PIWIL2: variants seen among roughly 807,000 people sequenced by gnomAD.
PIWIL2 encodes piwi-like protein 2.
PIWIL2 carries 81 observed loss-of-function variants against 116.5 expected under a neutral mutation model. The observed-to-expected ratio is 0.70, with a 90% CI of 0.58 to 0.84. The LOEUF is 0.84. Among genes scored for constraint, PIWIL2 ranks in the 40% least tolerant of loss-of-function variants. The pLI is 0.00. For missense variants in PIWIL2, 1,272 were observed against 1,212.3 expected, an observed-to-expected ratio of 1.05 and a Z score of -0.73; for synonymous variants, 489 against 429.5, an observed-to-expected ratio of 1.14 and a Z score of -1.71.
rs146537914 is a variant in PIWIL2 at position 22,353,985 on chromosome 8, A to G, written c.2658-286A>G. Among the ~76,000 whole-genome samples the G allele has an allele frequency of 2.8e-3, 431 of 152,064 alleles. 2 individuals carry two copies. Among genetic ancestry groups the G allele is most frequent in the Middle Eastern group, 0.01 (3 of 292 alleles). ...GAGACAGGGTCTTGCCATGTTGCCC[A>G]GACTGGTCTCGATCTCCTGGGCTCA... On this transcript the variant is annotated intron_variant, in intron 21 of 22. Coordinates refer to ENST00000356766, the MANE Select transcript of PIWIL2 (RefSeq NM_018068.5).
chr8:22,318,874 G>A, intron 20 of PIWIL2, among the ~76,000 whole-genome samples: 1 of 152,204 alleles, frequency 6.6e-6, no homozygotes, highest in East Asian at 1.9e-4. Context: ...CCTTATCGGG[G>A]AAGTTGGGGA....
chr8:22,278,083 A>T (rs1284974446), intron 1 of PIWIL2, among the ~76,000 whole-genome samples: 1 of 151,922 alleles, frequency 6.6e-6, no homozygotes, highest in Non-Finnish European at 1.5e-5. Context: ...CAGGAGAATC[A>T]CTTGAACCCA....
chr8:22,285,132 G>C (rs958390975), intron 6 of PIWIL2, among the ~76,000 whole-genome samples: 1 of 152,156 alleles, frequency 6.6e-6, no homozygotes. Context: ...AATACACGCT[G>C]TTGTTAACTA....
chr8:22,328,818 GTTT>G (rs57027657), intron 20 of PIWIL2, among the ~76,000 whole-genome samples: 18 of 107,176 alleles, frequency 1.7e-4, no homozygotes, highest in African/African-American at 6.2e-4. Flanking sequence ...AGCTCTAGTC[GTTT>G]TTTTTTTTTT....
At chr8:22,328,427 T>G (rs1831777135) in intron 20 of PIWIL2, among the ~76,000 whole-genome samples, 1 of 152,170 alleles carries the variant, frequency 6.6e-6, no homozygotes, top group Non-Finnish European at 1.5e-5. Context: ...CCCCTTGGAA[T>G]TGTATATGAA....
intron 20 of PIWIL2, among the ~76,000 whole-genome samples, chr8:22,335,514 A>G (rs1221154149): frequency 6.6e-6 from 1 of 151,466 alleles, no homozygotes; most frequent in Non-Finnish European, 1.5e-5. Flanking sequence ...AAGAAATGAA[A>G]TAGCTATATT....
intron 20 of PIWIL2, among the ~76,000 whole-genome samples, chr8:22,326,498 C>G (rs1831727791): frequency 6.6e-6 from 1 of 152,190 alleles, no homozygotes; most frequent in Non-Finnish European, 1.5e-5. Flanking sequence ...AATAATCATT[C>G]CTTATTCACA....
At chr8:22,311,846 G>A (rs985810918) in intron 16 of PIWIL2, among the ~76,000 whole-genome samples, 39 of 152,152 alleles carry the variant, frequency 2.6e-4, no homozygotes, top group African/African-American at 8.7e-4. Context: ...AAAAAGCAAG[G>A]GGAAGGCTTT....
chr8:22,305,877 C>T (rs758213882), intron 12 of PIWIL2, 50 bp from the exon 13 acceptor site: 6 of 1,341,456 alleles, frequency 4.5e-6, no homozygotes, highest in Middle Eastern at 1.8e-4. Context: ...TGGTCGGGAA[C>T]ATGAGCCTCT....
Position 22,345,004 on chromosome 8 carries a change from T to G in PIWIL2, c.2404-7955T>G, listed in dbSNP as rs117227816. On this transcript the variant is annotated intron_variant, in intron 20 of 22. Transcript: ENST00000356766. ...ATAATGCAGCTACTTTGGAAAACAG[T>G]TGGGCAGTTCCTTAAAAAGTTAAGC... Among the ~76,000 whole-genome samples, 252 of 152,318 alleles carry G rather than the reference T, an allele frequency of 1.7e-3. 2 individuals are homozygous for G. Among genetic ancestry groups the G allele is most frequent in the Non-Finnish European group, 3.2e-3 (216 of 68,010 alleles).
At position 22,357,174 on chromosome 8, in the gene PIWIL2, A is replaced by G. The variant is rs1832506604; in HGVS notation, c.*1669A>G. 2 of 152,242 alleles carry G rather than the reference A, an allele frequency of 1.3e-5. No individual in the cohort carries two copies. Among genetic ancestry groups the G allele is most frequent in the African/African-American group, 2.4e-5 (1 of 41,468 alleles). The allele number at this position is 152,242 out of a possible 1,614,324, so 9.4% of individuals were successfully genotyped here. On this transcript the variant is annotated 3_prime_UTR_variant, in exon 23 of 23. Transcript: ENST00000356766. ...AAAGAAAAAAGATTTCCTTAAAACA[A>G]GAAAACCAAGAATGTTTTTGGTTTG...
chr8:22,303,795 T>G (rs543356147), intron 10 of PIWIL2, among the ~76,000 whole-genome samples: 4 of 152,168 alleles, frequency 2.6e-5, no homozygotes, highest in African/African-American at 9.6e-5. Flanking sequence ...CCCAGGCTGG[T>G]CTCCAACTTC....
At chr8:22,299,031 G>A (rs1339716957) in intron 10 of PIWIL2, among the ~76,000 whole-genome samples, 1 of 152,074 alleles carries the variant, frequency 6.6e-6, no homozygotes, top group Non-Finnish European at 1.5e-5. Context: ...TATTACTATG[G>A]TGACAGAGTA....
intron 20 of PIWIL2, among the ~76,000 whole-genome samples, chr8:22,322,425 A>AT (rs936196664): frequency 6.6e-6 from 1 of 151,758 alleles, no homozygotes; most frequent in Non-Finnish European, 1.5e-5. Context: ...TAATTTTTGT[A>AT]TTTTTTGTAG....
chr8:22,279,771 A>G (rs1318408695), intron 2 of PIWIL2, among the ~76,000 whole-genome samples, 187 bp downstream of exon 2: 1 of 152,232 alleles, frequency 6.6e-6, no homozygotes, highest in Non-Finnish European at 1.5e-5. Context: ...TGGCCAACCA[A>G]CATGGTGAAA....
intron 11 of PIWIL2, 64 bp from the exon 12 acceptor site, chr8:22,304,720 C>T (rs1831133756): frequency 1.1e-6 from 1 of 912,356 alleles, no homozygotes; most frequent in Non-Finnish European, 1.8e-6. Context: ...GAGACTCAGA[C>T]TATGGTGCTC....
chr8:22,301,976 C>G (rs1831060799), intron 10 of PIWIL2, among the ~76,000 whole-genome samples: 1 of 152,138 alleles, frequency 6.6e-6, no homozygotes. Context: ...AAATGTCCCT[C>G]TGAGCACTGC....
intron 10 of PIWIL2, among the ~76,000 whole-genome samples, chr8:22,300,470 G>T (rs1563369889): frequency 6.6e-6 from 1 of 152,180 alleles, no homozygotes; most frequent in East Asian, 1.9e-4. Context: ...ATAAATATTA[G>T]TGTACAAGTC....
chr8:22,343,240 A>G (rs578108468), intron 20 of PIWIL2, among the ~76,000 whole-genome samples: 21 of 152,278 alleles, frequency 1.4e-4, no homozygotes, highest in African/African-American at 5.1e-4. Context: ...CCCCGTCTCT[A>G]CTAAAAATAC....
Sources: allele counts gnomAD v4.1 joint callset (sites outside exome capture counted in the v4.1 genomes callset), GRCh38; gene constraint gnomAD v4.1.1; transcripts MANE v1.5; gene names NCBI Gene and HGNC (gene_info 2026-07-23, HGNC 2026-07-21).